The following EPS8L1 variants were observed in gnomAD, a reference collection of about 807,000 sequenced individuals.
EPS8L1 encodes the protein EPS8 signaling adaptor L1.
Under a neutral mutation model 91.7 loss-of-function variants are expected in EPS8L1, and 101 were observed. The observed-to-expected ratio is 1.10, with a 90% CI of 0.94 to 1.30. The LOEUF is 1.30. Among genes scored for constraint, EPS8L1 ranks in the 50% most tolerant of loss-of-function variants. The pLI, the probability that EPS8L1 is intolerant of heterozygous loss-of-function variation, is 0.00. For synonymous variants in EPS8L1, 506 were observed against 445.3 expected (o/e 1.14, Z -1.72); for missense variants, 1,114 against 1,017.0 (o/e 1.10, Z -1.30).
Position 55,081,210 on chromosome 19 carries a change from T to C in EPS8L1, c.513-21T>C. On this transcript the variant is annotated intron_variant, in intron 7 of 19. Coordinates refer to ENST00000201647, the MANE Select transcript of EPS8L1 (RefSeq NM_133180.3). This position sits in a 1 kb window ranked among gnomAD's most constrained non-coding sequence, Gnocchi z 4.9. ...GACCCCTCAGTGGACCCAGTCTTGG[T>C]GTCCCCGTCGCCCTCCGCAGGGCCA... 1 of 1,494,020 alleles carries C rather than the reference T, an allele frequency of 6.7e-7. No individual in the cohort carries two copies. Among genetic ancestry groups the C allele is most frequent in the South Asian group, 1.3e-5 (1 of 74,154 alleles). The allele number at this position is 1,494,020 out of a possible 1,614,324, so 92.5% of individuals were successfully genotyped here. A position where few individuals can be genotyped will look rare whatever the true frequency, so the allele number is the denominator to read the frequency against.
rs554547777 is a variant in EPS8L1 at position 55,087,654 on chromosome 19, G to C, written c.*40G>C. On this transcript the variant is annotated 3_prime_UTR_variant, in exon 20 of 20. Coordinates refer to ENST00000201647, the MANE Select transcript of EPS8L1 (RefSeq NM_133180.3). ...TTCGCAAAGAGTGACGAGGCCCCGTGGGAGAACGGACTCCTCAGACTCTCC... is the reference window on the plus strand; with the variant it reads ...TTCGCAAAGAGTGACGAGGCCCCGTCGGAGAACGGACTCCTCAGACTCTCC... The C allele has an allele frequency of 6.2e-7, 1 of 1,602,578 alleles. No individual in the cohort carries two copies. The highest frequency in any genetic ancestry group is 1.3e-5 in the African/African-American group (1 of 74,720).
chr19:55,085,627 T>C (rs996001156), intron 14 of EPS8L1: 1 of 495,396 alleles, frequency 2.0e-6, no homozygotes, highest in African/African-American at 1.9e-5. Flanking sequence ...GGTGGGATAG[T>C]ACCCACTACA....
rs201673380 is a variant in EPS8L1 at position 55,087,328 on chromosome 19, A to C, written c.1978A>C (p.Thr660Pro). 3.1e-5 allele frequency: 50 copies of C among 1,611,020 alleles called. No individual in the cohort carries two copies. Among genetic ancestry groups the C allele is most frequent in the Non-Finnish European group, 4.1e-5 (48 of 1,179,340 alleles). ...GACCGTGGACGCGCTGGGTGTGCTG[A>C]CCGGGGCGCAGCTTTTCTCGCTGCA... ...SGTVDALGVLTGAQLFSLQKE... is the reference protein window; with the variant it reads ...SGTVDALGVLPGAQLFSLQKE... Residue 660 changes from threonine to proline, a missense_variant, in exon 19 of 20, where the codon ACC becomes CCC. Thr to Pro is a conservative substitution (Grantham distance 38). Coordinates refer to ENST00000201647, the MANE Select transcript of EPS8L1 (RefSeq NM_133180.3).
Position 55,081,116 on chromosome 19 carries a change from CT to C in EPS8L1, c.513-113del. On this transcript the variant is annotated intron_variant, in intron 7 of 19. Transcript: ENST00000201647. The surrounding 1 kb of genome is among the most constrained non-coding windows in gnomAD (Gnocchi z 4.9). ...TCGGATTTCTCCCTACCTCGTTGAA[CT>C]TGTTCACTCCCTTTGAGCCTTTTGA... 7.7e-7 allele frequency: 1 copy of C among 1,305,092 alleles called. No homozygotes were observed. The highest frequency in any genetic ancestry group is 2.6e-5 in the East Asian group (1 of 38,324). 80.8% of individuals were successfully genotyped at this position (1,305,092 alleles called of 1,614,324 possible). A position where few individuals can be genotyped will look rare whatever the true frequency, so the allele number is the denominator to read the frequency against.
intron 14 of EPS8L1, 101 bp from the exon 15 acceptor site, chr19:55,085,740 G>A (rs1661354420): frequency 6.5e-6 from 9 of 1,380,548 alleles, no homozygotes; most frequent in Non-Finnish European, 8.8e-6. Context: ...CCCCTGCTGT[G>A]CCCCCAGCTT....
chr19:55,080,065 C>G, intron 5 of EPS8L1, 64 bp from the exon 6 acceptor site: 2 of 1,458,150 alleles, frequency 1.4e-6, no homozygotes, highest in Non-Finnish European at 1.8e-6. Flanking sequence ...GCCCACACTC[C>G]CGTCGCCATT....
Position 55,080,121 on chromosome 19 carries a change from C to T in EPS8L1, c.280-8C>T. ...GGCCTCAGTTTACCCCGCCATCCCA[C>T]CCGGCAGGAGGAGCTGGAGTCGTAC... On this transcript the variant is annotated splice_region_variant and splice_polypyrimidine_tract_variant and intron_variant, in intron 5 of 19. Coordinates refer to ENST00000201647, the MANE Select transcript of EPS8L1 (RefSeq NM_133180.3). The T allele has an allele frequency of 6.8e-7, 1 of 1,480,826 alleles. No homozygotes were observed. The highest frequency in any genetic ancestry group is 9.0e-7 in the Non-Finnish European group (1 of 1,110,792). 91.7% of individuals were successfully genotyped at this position (1,480,826 alleles called of 1,614,324 possible).
chr19:55,079,847 C>G lies in EPS8L1; in HGVS notation c.275C>G (p.Ser92Cys), dbSNP rs745793450. ...PDHVTLLDPASKEELESYPLG... is the reference protein window; with the variant it reads ...PDHVTLLDPACKEELESYPLG... The stretch of plus-strand genomic sequence containing the variant: ...CATGTCACGCTGCTCGACCCGGCCT[C>G]CAAGGTGCCGGGGGGCACGTGGGTG... The change falls in exon 5 of 20, where the codon TCC (serine) becomes TGC (cysteine). Residue 92 changes from serine (S) to cysteine (C), a missense_variant. Coordinates refer to ENST00000201647, the MANE Select transcript of EPS8L1 (RefSeq NM_133180.3). 6.2e-7 allele frequency: 1 copy of G among 1,611,796 alleles called. No individual in the cohort carries two copies. The highest frequency in any genetic ancestry group is 1.1e-5 in the South Asian group (1 of 90,674).
chr19:55,082,800 A>G (rs2076298282), intron 12 of EPS8L1, among the ~76,000 whole-genome samples, 198 bp downstream of exon 12: 1 of 151,416 alleles, frequency 6.6e-6, no homozygotes, highest in Non-Finnish European at 1.5e-5. Context: ...AACGTGAAGG[A>G]AAGATTTAAG....
chr19:55,076,403 C>T lies in EPS8L1; in HGVS notation c.-37-5C>T. ...CCAGGCCTTCACATGTTTGCTGGCTCCCAGGGCACCTCCAGGTGGGCAGGA... is the reference window on the plus strand; with the variant it reads ...CCAGGCCTTCACATGTTTGCTGGCTTCCAGGGCACCTCCAGGTGGGCAGGA... On this transcript the variant is annotated splice_region_variant and splice_polypyrimidine_tract_variant and intron_variant, in intron 1 of 19. Coordinates refer to ENST00000201647, the MANE Select transcript of EPS8L1 (RefSeq NM_133180.3). The T allele has an allele frequency of 6.2e-7, 1 of 1,609,956 alleles. No homozygotes were observed. Among genetic ancestry groups the T allele is most frequent in the Non-Finnish European group, 8.5e-7 (1 of 1,178,060 alleles).
At position 55,081,289 on chromosome 19, in the gene EPS8L1, C is replaced by A; in HGVS notation, c.571C>A (p.Gln191Lys). 1 of 1,547,774 alleles carries A rather than the reference C, an allele frequency of 6.5e-7. No individual in the cohort carries two copies. The highest frequency in any genetic ancestry group is 8.7e-7 in the Non-Finnish European group (1 of 1,153,936). Residue 191 changes from glutamine (Q) to lysine (K), a missense_variant, in exon 8 of 20, where the codon CAG (glutamine) becomes AAG (lysine). Physicochemically the swap from Gln to Lys is moderately conservative, Grantham distance 53. Transcript: ENST00000201647. The surrounding 1 kb of genome is among the most constrained non-coding windows in gnomAD (Gnocchi z 4.9). Reference protein sequence around the residue: ...RSPAAETPPLQRRPSVRAVIS... With the variant: ...RSPAAETPPLKRRPSVRAVIS... ...GCCCGCCGCTGAGACCCCGCCCCTGCAGCGCCGCCCGTCAGTCCGCGCAGT... is the reference window on the plus strand; with the variant it reads ...GCCCGCCGCTGAGACCCCGCCCCTGAAGCGCCGCCCGTCAGTCCGCGCAGT...
At position 55,083,416 on chromosome 19, in the gene EPS8L1, C is replaced by T; in HGVS notation, c.1253C>T (p.Pro418Leu). ...CCGGAGGAGGGACCCCCATACAGAC[C>T]CGAGTTCTTCAGCGGCTGGGAGCCG... ...LSPEEGPPYR[P>L]EFFSGWEPPV... is the part of the protein sequence containing the mutation. The change falls in exon 13 of 20, where the codon CCC becomes CTC. Residue 418 changes from proline (P) to leucine (L), a missense_variant. Physicochemically the swap from Pro to Leu is moderately conservative, Grantham distance 98. Coordinates refer to ENST00000201647, the MANE Select transcript of EPS8L1 (RefSeq NM_133180.3). The surrounding 1 kb of genome is among the most constrained non-coding windows in gnomAD (Gnocchi z 4.7). 6.2e-7 allele frequency: 1 copy of T among 1,613,056 alleles called. No individual in the cohort carries two copies. The highest frequency in any genetic ancestry group is 8.5e-7 in the Non-Finnish European group (1 of 1,179,962).
rs913619960 is a variant in EPS8L1 at position 55,081,527 on chromosome 19, CAGGCGACTGGAGGCGGGGCT to C, written c.774+39_774+58del. 6.6e-7 allele frequency: 1 copy of C among 1,521,750 alleles called. No homozygotes were observed. Among genetic ancestry groups the C allele is most frequent in the Non-Finnish European group, 8.8e-7 (1 of 1,137,154 alleles). The allele number at this position is 1,521,750 out of a possible 1,614,324, so 94.3% of individuals were successfully genotyped here. A position where few individuals can be genotyped will look rare whatever the true frequency, so the allele number is the denominator to read the frequency against. On this transcript the variant is annotated intron_variant, in intron 8 of 19. Transcript: ENST00000201647. The surrounding 1 kb of genome is among the most constrained non-coding windows in gnomAD (Gnocchi z 4.9). ...TAAGGAAGGGGTCTGGGGGCAGGGC[CAGGCGACTGGAGGCGGGGCT>C]AGGGCGTGGAAGGGCGGGGCCGGCT... is the stretch of plus-strand genomic sequence containing the variant.
At chr19:55,082,869 G>T (rs1258088953) in intron 12 of EPS8L1, among the ~76,000 whole-genome samples, 1 of 151,454 alleles carries the variant, frequency 6.6e-6, no homozygotes, top group Non-Finnish European at 1.5e-5. Context: ...AGGGGCTAGG[G>T]GCTACGGGGC....
At position 55,082,059 on chromosome 19, in the gene EPS8L1, G is replaced by T. The variant is rs529676368; in HGVS notation, c.902-33G>T. On this transcript the variant is annotated intron_variant, in intron 9 of 19. Coordinates refer to ENST00000201647, the MANE Select transcript of EPS8L1 (RefSeq NM_133180.3). The stretch of plus-strand genomic sequence containing the variant: ...TCTGCCTGCCTGGTGCTGGCCCCGC[G>T]TCCCCATCGCCGCGCCCGTCTGCTC... 7.0e-6 allele frequency: 11 copies of T among 1,561,146 alleles called. No individual in the cohort carries two copies. In the African/African-American group the frequency reaches 1.4e-4, roughly 19 times the overall value.
chr19:55,077,232 G>A (rs2076149166), intron 2 of EPS8L1, among the ~76,000 whole-genome samples: 1 of 152,176 alleles, frequency 6.6e-6, no homozygotes, highest in Non-Finnish European at 1.5e-5. Flanking sequence ...CATGGGAGTG[G>A]GAGGGGAAGC....
chr19:55,081,885 G>C lies in EPS8L1; in HGVS notation c.887G>C (p.Arg296Pro). The change falls in exon 9 of 20, where the codon CGC (arginine) becomes CCC (proline). Residue 296 changes from arginine to proline, a missense_variant. By Grantham distance (103) the Arg-to-Pro change is moderately radical. Transcript: ENST00000201647. This position sits in a 1 kb window ranked among gnomAD's most constrained non-coding sequence, Gnocchi z 4.9. Reference protein sequence around the residue: ...EHRERGRRSRRRAAGEGLLTL... With the variant: ...EHRERGRRSRPRAAGEGLLTL... The stretch of plus-strand genomic sequence containing the variant: ...CGGGAACGCGGCCGCAGGAGCCGGC[G>C]CCGGGCGGCTGGGGGTAAGGGGCAC... 2.5e-6 allele frequency: 4 copies of C among 1,608,492 alleles called. No homozygotes were observed. Among genetic ancestry groups the C allele is most frequent in the Non-Finnish European group, 3.4e-6 (4 of 1,176,818 alleles).
Position 55,087,233 on chromosome 19 carries a change from G to C in EPS8L1, c.1953-70G>C, listed in dbSNP as rs1200232910. On this transcript the variant is annotated intron_variant, in intron 18 of 19. Transcript: ENST00000201647. ...TTCTGATTGGACCATCGCCGGGTGG[G>C]CGTGACATGATTGTCCGGGCTGGGG... The C allele has an allele frequency of 2.0e-6, 3 of 1,526,694 alleles. No homozygotes were observed. In the African/African-American group the frequency reaches 4.1e-5, roughly 21 times the overall value. The allele number at this position is 1,526,694 out of a possible 1,614,324, so 94.6% of individuals were successfully genotyped here.
At position 55,083,302 on chromosome 19, in the gene EPS8L1, T is replaced by G; in HGVS notation, c.1215-76T>G. 6.4e-7 allele frequency: 1 copy of G among 1,554,066 alleles called. No individual in the cohort carries two copies. The highest frequency in any genetic ancestry group is 1.2e-5 in the South Asian group (1 of 83,450). On this transcript the variant is annotated intron_variant, in intron 12 of 19. Coordinates refer to ENST00000201647, the MANE Select transcript of EPS8L1 (RefSeq NM_133180.3). This position sits in a 1 kb window ranked among gnomAD's most constrained non-coding sequence, Gnocchi z 4.7. Reference sequence around the variant, plus strand: ...ATACAGCGAGCTTTAGGGGAAAACTTAGTGAAGTTAATGCAGGAACGAAGT... The same window carrying G: ...ATACAGCGAGCTTTAGGGGAAAACTGAGTGAAGTTAATGCAGGAACGAAGT...
Sources: gnomAD v4.1 joint callset for allele counts (sites outside exome capture counted in the v4.1 genomes callset) on GRCh38, gnomAD v4.1.1 for gene constraint, Gnocchi (gnomAD v3.1) non-coding constraint, MANE v1.5 for transcripts, NCBI Gene and HGNC (gene_info 2026-07-23, HGNC 2026-07-21) for gene names.